The following DNAI3 variants were observed in gnomAD, a reference collection of about 807,000 sequenced individuals.
DNAI3 encodes dynein axonemal intermediate chain 3, also known as WD repeat domain 63.
A neutral mutation model predicts 115.5 loss-of-function variants in DNAI3; 83 were observed. That is an observed-to-expected ratio of 0.72 (90% CI 0.60 to 0.86). The LOEUF (loss-of-function observed/expected upper bound fraction) is 0.86, where lower values mean the gene tolerates loss of function less well. Ranked by LOEUF, DNAI3 falls within the 40% of genes least tolerant of loss-of-function variation. The pLI, the probability that DNAI3 is intolerant of heterozygous loss-of-function variation, is 0.00. For missense variants in DNAI3, 1,004 were observed against 1,075.8 expected (o/e 0.93, Z 0.93); for synonymous variants, 320 against 347.0 (o/e 0.92, Z 0.86).
intron 8 of DNAI3, 127 bp downstream of exon 8, chr1:85,090,359 G>A (rs566086624): frequency 6.3e-6 from 3 of 477,822 alleles, no homozygotes; most frequent in African/African-American, 2.0e-5. Flanking sequence ...AGTTGTCAGT[G>A]TGACACATTC....
chr1:85,098,861 C>T (rs709770), intron 13 of DNAI3, among the ~76,000 whole-genome samples: 150,070 of 152,334 alleles, frequency 0.99, 73,964 homozygotes, highest in East Asian at 1. Context: ...ACTCAGTTGG[C>T]TTCTAACTAA....
chr1:85,111,487 T>G (rs1038239085), intron 16 of DNAI3, among the ~76,000 whole-genome samples: 6 of 152,218 alleles, frequency 3.9e-5, no homozygotes, highest in African/African-American at 1.4e-4. Context: ...CAGATATTTG[T>G]AATTTGCTTA....
intron 22 of DNAI3, among the ~76,000 whole-genome samples, chr1:85,130,553 T>G (rs1246542558): frequency 6.6e-6 from 1 of 151,980 alleles, no homozygotes; most frequent in Non-Finnish European, 1.5e-5. Flanking sequence ...ATCTTGAAAA[T>G]GGGAATACTA....
At chr1:85,062,940 G>T (rs969561317) in intron 1 of DNAI3, among the ~76,000 whole-genome samples, 36 of 152,266 alleles carry the variant, frequency 2.4e-4, no homozygotes, top group African/African-American at 8.4e-4. Flanking sequence ...GTTTAGAAAG[G>T]GCTAGAGTAG....
rs1237795148 is a variant in DNAI3, at chr1:85,083,303, A to G, written c.390+899A>G. Among the ~76,000 whole-genome samples the G allele has an allele frequency of 9.2e-5, 14 of 152,122 alleles. No homozygotes were observed. In the East Asian group the frequency reaches 2.3e-3, roughly 25 times the overall value. On this transcript the variant is annotated intron_variant, in intron 5 of 22. Coordinates refer to ENST00000294664, the MANE Select transcript of DNAI3 (RefSeq NM_145172.5). Reference sequence around the variant, plus strand: ...GAAGTTCCAGATGAGCCTGGGTAACATGGCAAGACCCTGCCACCGCAAAAA... The same window carrying G: ...GAAGTTCCAGATGAGCCTGGGTAACGTGGCAAGACCCTGCCACCGCAAAAA...
intron 14 of DNAI3, among the ~76,000 whole-genome samples, chr1:85,105,677 G>T (rs542534812): frequency 2.6e-5 from 4 of 152,134 alleles, no homozygotes; most frequent in Admixed American, 2.0e-4. Flanking sequence ...AGTAAGTAAT[G>T]ACATTCCTGA....
At chr1:85,071,361 T>C (rs1327676224) in intron 1 of DNAI3, among the ~76,000 whole-genome samples, 1 of 152,224 alleles carries the variant, frequency 6.6e-6, no homozygotes, top group African/African-American at 2.4e-5. Flanking sequence ...CCTGTCAAAA[T>C]TGATAAGCAG....
chr1:85,130,072 A>C lies in DNAI3; in HGVS notation c.2492A>C (p.Glu831Ala). Residue 831 changes from glutamate (E) to alanine (A), a missense_variant, in exon 22 of 23, where the codon GAA becomes GCA. Physicochemically the swap from Glu to Ala is moderately radical, Grantham distance 107. Around this residue, in one of 3 missense-constraint regions of DNAI3, gnomAD observed 429 missense variants for 454.3 expected, o/e 0.94. Coordinates refer to ENST00000294664, the MANE Select transcript of DNAI3 (RefSeq NM_145172.5). The part of the protein sequence containing the change: ...VEQRKKIREQ[E>A]KKEMELEMAK... ...CAGCGCAAAAAAATTCGTGAGCAAG[A>C]AAAGAAAGAAATGGAACTAGAAATG... is the stretch of plus-strand genomic sequence containing the variant. 1.2e-6 allele frequency: 2 copies of C among 1,613,980 alleles called. No homozygotes were observed. The highest frequency in any genetic ancestry group is 1.7e-6 in the Non-Finnish European group (2 of 1,179,900).
At chr1:85,091,923 A>G (rs1654987777) in intron 8 of DNAI3, among the ~76,000 whole-genome samples, 1 of 152,196 alleles carries the variant, frequency 6.6e-6, no homozygotes, top group South Asian at 2.1e-4. Flanking sequence ...AGGAAACCAG[A>G]GCGGAAGCCA....
chr1:85,066,151 A>AT (rs1654088800), intron 1 of DNAI3, among the ~76,000 whole-genome samples: 1 of 152,116 alleles, frequency 6.6e-6, no homozygotes, highest in Non-Finnish European at 1.5e-5. Context: ...AATATCAAGA[A>AT]TATTTTTAAT....
intron 1 of DNAI3, among the ~76,000 whole-genome samples, chr1:85,064,053 C>T (rs571334523): frequency 1.1e-4 from 17 of 152,152 alleles, no homozygotes; most frequent in Middle Eastern, 3.4e-3. Context: ...TGTTATTTAA[C>T]GTGTTAATAA....
chr1:85,067,727 G>A (rs1380438463), intron 1 of DNAI3, among the ~76,000 whole-genome samples: 1 of 152,178 alleles, frequency 6.6e-6, no homozygotes, highest in Non-Finnish European at 1.5e-5. Context: ...GAAGAGGTTA[G>A]AGTATGCTAT....
At chr1:85,081,486 G>T in intron 4 of DNAI3, 71 bp downstream of exon 4, 4 of 1,417,364 alleles carry the variant, frequency 2.8e-6, no homozygotes, top group Non-Finnish European at 3.7e-6. Context: ...ACAAAAGTTG[G>T]AGAGGTTGTT....
intron 13 of DNAI3, 51 bp from the exon 14 acceptor site, chr1:85,104,472 TA>T: frequency 6.9e-7 from 1 of 1,452,190 alleles, no homozygotes; most frequent in Admixed American, 1.7e-5. Context: ...ATTTAAAAGG[TA>T]AATAGCTATG....
In DNAI3 at chr1:85,105,539, AAAG is replaced by A. The variant is rs1436624768; in HGVS notation, c.1553+945_1553+947del. Among the ~76,000 whole-genome samples, 75 of 142,746 alleles carry A rather than the reference AAAG, an allele frequency of 5.3e-4. 1 individual carries two copies. The highest frequency in any genetic ancestry group is 1.8e-3 in the African/African-American group (69 of 37,912). 93.6% of individuals were successfully genotyped at this position (142,746 alleles called of 152,430 possible). ...GTGAAACTCTGTCTCAAAAAAAAAA[AAAG>A]AAAAAGAAAAAGAAAGAAAGAAAAG... On this transcript the variant is annotated intron_variant, in intron 14 of 22. Transcript: ENST00000294664.
rs1654498162 is a variant in DNAI3, at chr1:85,077,583, CA to C, written c.104-3646del. 8.6e-5 allele frequency among the ~76,000 whole-genome samples: 13 copies of C among 151,866 alleles called. No homozygotes were observed. In the South Asian group the frequency reaches 2.7e-3, roughly 32 times the overall value. On this transcript the variant is annotated intron_variant, in intron 3 of 22. Transcript: ENST00000294664. ...AAAATAGTTATGCTAAGAAGATAAA[CA>C]AAAAGAGTACATTTATAAATATTCC...
intron 2 of DNAI3, among the ~76,000 whole-genome samples, 168 bp from the exon 3 acceptor site, chr1:85,072,886 T>C (rs533707318): frequency 2.2e-5 from 3 of 134,294 alleles, no homozygotes; most frequent in Non-Finnish European, 4.6e-5. Flanking sequence ...ACCCAGGATG[T>C]GGTGCTTGCA....
At position 85,082,375 on chromosome 1, in the gene DNAI3, A is replaced by G; in HGVS notation, c.361A>G (p.Thr121Ala). The G allele has an allele frequency of 6.2e-7, 1 of 1,613,790 alleles. No individual in the cohort carries two copies. Among genetic ancestry groups the G allele is most frequent in the Non-Finnish European group, 8.5e-7 (1 of 1,179,764 alleles). The change falls in exon 5 of 23, where the codon ACT becomes GCT. Residue 121 changes from threonine to alanine, a missense_variant. By Grantham distance (58) the Thr-to-Ala change is moderately conservative. Transcript: ENST00000294664. ...TGGACTTAACTTTTATCTTATTGCA[A>G]CTGAAGAGGGCAAAGAAAACTATTT... Reference protein sequence around the residue: ...KYGLNFYLIATEEGKENYLNP... With the variant: ...KYGLNFYLIAAEEGKENYLNP...
chr1:85,106,330 C>T (rs1203364214), intron 14 of DNAI3, among the ~76,000 whole-genome samples: 1 of 152,056 alleles, frequency 6.6e-6, no homozygotes, highest in Non-Finnish European at 1.5e-5. Flanking sequence ...GCAAAGACAA[C>T]CACAGAATAG....
Sources: gnomAD v4.1 joint callset for allele counts (sites outside exome capture counted in the v4.1 genomes callset) on GRCh38, gnomAD v4.1.1 for gene constraint, gnomAD v4.1.1 regional missense constraint, MANE v1.5 for transcripts, NCBI Gene and HGNC (gene_info 2026-07-23, HGNC 2026-07-21) for gene names.